The following RPAP1 variants were observed in gnomAD, a reference collection of about 807,000 sequenced individuals.
RPAP1 encodes the protein RNA polymerase II associated protein 1.
Under a neutral mutation model 142.4 loss-of-function variants are expected in RPAP1, and 109 were observed. That is an observed-to-expected ratio of 0.77 (90% confidence interval 0.66 to 0.90). The LOEUF (loss-of-function observed/expected upper bound fraction) is 0.90, where lower values mean the gene tolerates loss of function less well. Among genes scored for constraint, RPAP1 ranks in the 40% least tolerant of loss-of-function variants. The pLI is 0.00. For missense variants in RPAP1, 1,546 were observed against 1,751.7 expected, an observed-to-expected ratio of 0.88 and a Z score of 2.10; for synonymous variants, 704 against 738.9, an observed-to-expected ratio of 0.95 and a Z score of 0.77.
chr15:41,520,833 G>T lies in RPAP1; in HGVS notation c.3353C>A (p.Ser1118Ter). ...CATGGTGTCTGTGGGAGAGAGTCCCGAGGGGGTGTCTGAAGCCCGGTGGTA... is the reference window on the plus strand; with the variant it reads ...CATGGTGTCTGTGGGAGAGAGTCCCTAGGGGGTGTCTGAAGCCCGGTGGTA... ...RLYHRASDTP[S>*]GLSPTDTMGT... The change falls in exon 22 of 25, where the codon TCG becomes TAG. Residue 1118 changes from serine to a stop codon, truncating the protein, a stop_gained. Coordinates refer to ENST00000304330, the MANE Select transcript of RPAP1 (RefSeq NM_015540.4). LOFTEE classifies it high-confidence loss of function. The T allele has an allele frequency of 6.2e-7, 1 of 1,613,900 alleles. No individual in the cohort carries two copies. The highest frequency in any genetic ancestry group is 1.3e-5 in the African/African-American group (1 of 75,064).
chr15:41,540,465 C>G (rs1173220121), intron 1 of RPAP1, among the ~76,000 whole-genome samples: 1 of 152,128 alleles, frequency 6.6e-6, no homozygotes, highest in Non-Finnish European at 1.5e-5. Flanking sequence ...CCACGCCCAG[C>G]TAATTTTGTA....
chr15:41,537,142 C>CCT lies in RPAP1; in HGVS notation c.-19_-18dup, dbSNP rs751693594. On this transcript the variant is annotated 5_prime_UTR_variant, in exon 2 of 25. Transcript: ENST00000304330. The stretch of plus-strand genomic sequence containing the variant: ...CGACAGCATCTTGCTGCTCCAGCTG[C>CCT]CTCCCCAGTACGACTCTCTCCAGCA... 43 of 1,611,022 alleles carry CCT rather than the reference C, an allele frequency of 2.7e-5. No homozygotes were observed. Among genetic ancestry groups the CCT allele is most frequent in the Non-Finnish European group, 2.9e-5 (34 of 1,178,572 alleles).
At position 41,522,235 on chromosome 15, in the gene RPAP1, C is replaced by T. The variant is rs1371435313; in HGVS notation, c.2758G>A (p.Ala920Thr). 6.2e-7 allele frequency: 1 copy of T among 1,613,892 alleles called. No individual in the cohort carries two copies. Among genetic ancestry groups the T allele is most frequent in the East Asian group, 2.2e-5 (1 of 44,874 alleles). ...AAGTAATTCTGGAGTCCCGGGGCAG[C>T]CAATATGGCAGCCAGCTGAGGAAAA... ...GLCGQLAAIL[A>T]APGLQNYFLQ... The change falls in exon 20 of 25, where the codon GCT becomes ACT. Residue 920 changes from alanine to threonine, a missense_variant. Transcript: ENST00000304330.
In RPAP1 at chr15:41,523,240, C is replaced by T. The variant is rs1326398062; in HGVS notation, c.2546+5G>A. Reference sequence around the variant, plus strand: ...CTTCCCCCAGCTACCAAACACAGTACATACCTAAGGGAATCCCACAGGCTG... The same window carrying T: ...CTTCCCCCAGCTACCAAACACAGTATATACCTAAGGGAATCCCACAGGCTG... On this transcript the variant is annotated splice_donor_5th_base_variant and intron_variant, in intron 18 of 24. Transcript: ENST00000304330. 4.5e-6 allele frequency: 7 copies of T among 1,572,078 alleles called. No homozygotes were observed. Among genetic ancestry groups the T allele is most frequent in the Non-Finnish European group, 5.2e-6 (6 of 1,155,542 alleles).
chr15:41,521,969 G>A (rs1267581630), intron 20 of RPAP1, 89 bp from the exon 21 acceptor site: 1 of 1,566,040 alleles, frequency 6.4e-7, no homozygotes, highest in Non-Finnish European at 8.7e-7. Flanking sequence ...TGAGGCTGAA[G>A]GGCAGAGGTC....
intron 15 of RPAP1, 52 bp downstream of exon 15, chr15:41,524,936 CAGA>C: frequency 6.3e-7 from 1 of 1,579,572 alleles, no homozygotes; most frequent in Admixed American, 1.7e-5. Flanking sequence ...TTGATTTGGC[CAGA>C]AGAGCAGAAC....
chr15:41,536,020 T>C (rs1005958172), intron 4 of RPAP1, 109 bp downstream of exon 4: 61 of 783,540 alleles, frequency 7.8e-5, no homozygotes, highest in Non-Finnish European at 1.2e-4. Flanking sequence ...ATGATCCTGC[T>C]TTGTAAATTA....
intron 6 of RPAP1, among the ~76,000 whole-genome samples, chr15:41,532,370 C>T (rs959891949): frequency 6.6e-6 from 1 of 151,932 alleles, no homozygotes; most frequent in Non-Finnish European, 1.5e-5. Context: ...CATGATGTTC[C>T]TCAAGCTGGT....
At position 41,520,699 on chromosome 15, in the gene RPAP1, A is replaced by G. The variant is rs745663638; in HGVS notation, c.3487T>C (p.Phe1163Leu). ...CGGAACAGCTCACTGTCCACCAGGA[A>G]CACACACATGAGCCGTGCCAGGCGG... ...AARLARLMCV[F>L]LVDSELFRES... Residue 1163 changes from phenylalanine to leucine, a missense_variant, in exon 22 of 25, where the codon TTC (phenylalanine) becomes CTC (leucine). Transcript: ENST00000304330. 1 of 1,614,110 alleles carries G rather than the reference A, an allele frequency of 6.2e-7. No homozygotes were observed. Among genetic ancestry groups the G allele is most frequent in the Non-Finnish European group, 8.5e-7 (1 of 1,180,032 alleles).
At chr15:41,531,882 G>T (rs2051855736) in intron 6 of RPAP1, among the ~76,000 whole-genome samples, 1 of 151,042 alleles carries the variant, frequency 6.6e-6, no homozygotes, top group Admixed American at 6.6e-5. Flanking sequence ...AAGAGATAGG[G>T]TCTTGCTCTG....
At chr15:41,532,568 A>T (rs529927346) in intron 6 of RPAP1, among the ~76,000 whole-genome samples, 1 of 152,330 alleles carries the variant, frequency 6.6e-6, no homozygotes, top group East Asian at 1.9e-4. Context: ...GGCATAGCAT[A>T]GAACAGTATC....
chr15:41,522,679 C>T (rs563540186), intron 19 of RPAP1, 86 bp downstream of exon 19: 99 of 1,055,306 alleles, frequency 9.4e-5, no homozygotes, highest in Middle Eastern at 2.2e-4. Context: ...CGTGAGCCAC[C>T]GCGCCCATCC....
chr15:41,541,571 G>A (rs1566891663), intron 1 of RPAP1, among the ~76,000 whole-genome samples: 1 of 152,140 alleles, frequency 6.6e-6, no homozygotes, highest in African/African-American at 2.4e-5. Flanking sequence ...ATGAAGGCCG[G>A]GTGTGCTGGC....
chr15:41,534,325 G>A (rs2140782686), intron 6 of RPAP1, among the ~76,000 whole-genome samples: 1 of 151,948 alleles, frequency 6.6e-6, no homozygotes, highest in East Asian at 1.9e-4. Context: ...GACTGAGGTA[G>A]GAGAATCTCT....
intron 6 of RPAP1, among the ~76,000 whole-genome samples, chr15:41,532,048 G>A (rs2051857570): frequency 1.4e-5 from 2 of 144,248 alleles, no homozygotes; most frequent in Non-Finnish European, 3.0e-5. Flanking sequence ...TTGAGACAGA[G>A]TCTCACTCTG....
intron 1 of RPAP1, among the ~76,000 whole-genome samples, chr15:41,543,649 C>A (rs1436904397): frequency 6.6e-6 from 1 of 152,178 alleles, no homozygotes; most frequent in South Asian, 2.1e-4. Context: ...TATAAATAAA[C>A]CTCAGTAACA....
intron 1 of RPAP1, among the ~76,000 whole-genome samples, chr15:41,537,467 G>T (rs767986583): frequency 6.6e-6 from 1 of 152,166 alleles, no homozygotes; most frequent in Non-Finnish European, 1.5e-5. Context: ...GTCATCAGGG[G>T]CCGAGCAGAT....
In RPAP1 at chr15:41,523,948, C is replaced by G; in HGVS notation, c.2259G>C (p.Ser753=). The change falls in exon 17 of 25, where the codon TCG becomes TCC. Residue 753 remains serine, a synonymous_variant. Transcript: ENST00000304330. ...TISDSAEASL[S]ATPSLVTWTQ... Reference sequence around the variant, plus strand: ...TCCAAGTGACTAAGGAAGGGGTGGCCGAGAGGCTGGCCTCAGCAGAATCAC... The same window carrying G: ...TCCAAGTGACTAAGGAAGGGGTGGCGGAGAGGCTGGCCTCAGCAGAATCAC... 1 of 1,611,522 alleles carries G rather than the reference C, an allele frequency of 6.2e-7. No individual in the cohort carries two copies. The highest frequency in any genetic ancestry group is 8.5e-7 in the Non-Finnish European group (1 of 1,178,800).
intron 2 of RPAP1, 127 bp downstream of exon 2, chr15:41,536,818 G>A: frequency 7.2e-7 from 1 of 1,379,784 alleles, no homozygotes. Flanking sequence ...AAATGGGGCT[G>A]CAGAAACACA....
Sources: allele counts gnomAD v4.1 joint callset (sites outside exome capture counted in the v4.1 genomes callset), GRCh38; gene constraint gnomAD v4.1.1; transcripts MANE v1.5; gene names NCBI Gene and HGNC (gene_info 2026-07-23, HGNC 2026-07-21).